Variants in CFAP46 observed in about 807,000 individuals in gnomAD.
CFAP46 encodes the protein cilia- and flagella-associated protein 46.
A neutral mutation model predicts 325.7 loss-of-function variants in CFAP46; 245 were observed. That is an observed-to-expected ratio of 0.75 (90% confidence interval 0.68 to 0.84). The LOEUF is 0.84. Ranked by LOEUF, CFAP46 falls within the 40% of genes least tolerant of loss-of-function variation. The probability of loss-of-function intolerance (pLI) is 0.00; values close to 1 mark genes in which losing one functional copy is unlikely to be tolerated. For synonymous variants in CFAP46, 1,523 were observed against 1,495.9 expected, an observed-to-expected ratio of 1.02 and a Z score of -0.42; for missense variants, 3,346 against 3,543.0, an observed-to-expected ratio of 0.94 and a Z score of 1.41.
At chr10:132,929,491 G>T in intron 9 of CFAP46, 2 of 776,164 alleles carry the variant, frequency 2.6e-6, no homozygotes, top group Non-Finnish European at 4.8e-6. Context: ...GTGGCCACAA[G>T]AAAGGTAAAG....
rs1283524025 is a variant in CFAP46, at chr10:132,918,506, C to T, written c.1873G>A (p.Gly625Ser). 2 of 1,518,800 alleles carry T rather than the reference C, an allele frequency of 1.3e-6. No individual in the cohort carries two copies. The highest frequency in any genetic ancestry group is 1.8e-6 in the Non-Finnish European group (2 of 1,125,028). 94.1% of individuals were successfully genotyped at this position (1,518,800 alleles called of 1,614,324 possible). A position where few individuals can be genotyped will look rare whatever the true frequency, so the allele number is the denominator to read the frequency against. ...GTGTCCTGCACCGAGCCGTCCCTAC[C>T]TCGCTTCTTCTTCCCTGAGAGAAAT... ...LRLRRGKKKR[G>S]RDGSVQDTWS... The change falls in exon 16 of 58, where the codon GGT (glycine) becomes AGT (serine). Residue 625 changes from glycine (G) to serine (S), a missense_variant. Coordinates refer to ENST00000368586, the MANE Select transcript of CFAP46 (RefSeq NM_001200049.3).
In CFAP46 at chr10:132,914,090, C is replaced by CCTTGAGCCT. The variant is rs1468569650; in HGVS notation, c.2121-833_2121-832insAGGCTCAAG. On this transcript the variant is annotated intron_variant, in intron 17 of 57. Coordinates refer to ENST00000368586, the MANE Select transcript of CFAP46 (RefSeq NM_001200049.3). The stretch of plus-strand genomic sequence containing the variant: ...GAGGCTGTGTCCAGCCACACTGCAC[C>CCTTGAGCCT]CCGGCCCGAGGCTGTGTCCAGCCAC... Among the ~76,000 whole-genome samples, 3 of 122,740 alleles carry CCTTGAGCCT rather than the reference C, an allele frequency of 2.4e-5. No individual in the cohort carries two copies. The East Asian group carries it at 7.6e-4, about 31-fold the overall frequency. The allele number at this position is 122,740 out of a possible 152,430, so 80.5% of individuals were successfully genotyped here.
At chr10:132,901,644 T>C (rs894308338) in intron 22 of CFAP46, among the ~76,000 whole-genome samples, 1 of 152,214 alleles carries the variant, frequency 6.6e-6, no homozygotes, top group African/African-American at 2.4e-5. Flanking sequence ...CTATTTTTGC[T>C]TTAAAAGGTC....
In CFAP46 at chr10:132,876,430, C is replaced by T. The variant is rs942924881; in HGVS notation, c.4362+382G>A. Among the ~76,000 whole-genome samples the T allele has an allele frequency of 4.6e-5, 7 of 152,226 alleles. No individual in the cohort carries two copies. Among genetic ancestry groups the T allele is most frequent in the Admixed American group, 2.6e-4 (4 of 15,288 alleles). ...AGGAAAGAGGGATCTTCCCCGGCCC[C>T]TTTGGAGGGTGTGCCACCCTCCCGA... On this transcript the variant is annotated intron_variant, in intron 31 of 57. Transcript: ENST00000368586. The surrounding 1 kb of genome is among the most constrained non-coding windows in gnomAD (Gnocchi z 4.1).
At position 132,836,906 on chromosome 10, in the gene CFAP46, T is replaced by G. The variant is rs199657322; in HGVS notation, c.6447A>C (p.Gln2149His). The G allele has an allele frequency of 7.2e-5, 116 of 1,613,742 alleles. No homozygotes were observed. The highest frequency in any genetic ancestry group is 1.0e-4 in the Admixed American group (6 of 60,008). ...AATGCTGCTCAGTGACGCAGAGATT[T>G]TGCCAAGCCTGTGTGGCGAAAAACG... Reference protein sequence around the residue: ...QRLAAVSKAWQNLCVTEQHFN... With the variant: ...QRLAAVSKAWHNLCVTEQHFN... Residue 2149 changes from glutamine (Q) to histidine (H), a missense_variant, in exon 45 of 58, where the codon CAA becomes CAC. Coordinates refer to ENST00000368586, the MANE Select transcript of CFAP46 (RefSeq NM_001200049.3).
chr10:132,808,733 A>G lies in CFAP46; in HGVS notation c.7836T>C (p.Leu2612=), dbSNP rs1389246216. The change falls in exon 58 of 58, where the codon CTT becomes CTC. Residue 2612 remains leucine, a synonymous_variant. Transcript: ENST00000368586. The surrounding 1 kb of genome is among the most constrained non-coding windows in gnomAD (Gnocchi z 6.8). The part of the protein sequence containing the change: ...AAGAPALASA[L]GSAPLPTHPH... The stretch of plus-strand genomic sequence containing the variant: ...GATGGGTTGGCAGAGGGGCAGAGCC[A>G]AGGGCAGAGGCAAGTGCTGGGGCCC... The G allele has an allele frequency of 1.3e-6, 2 of 1,573,096 alleles. No homozygotes were observed. Among genetic ancestry groups the G allele is most frequent in the Admixed American group, 3.8e-5 (2 of 53,002 alleles).
intron 4 of CFAP46, among the ~76,000 whole-genome samples, chr10:132,940,639 G>A (rs1320041686): frequency 1.5e-4 from 23 of 151,840 alleles, no homozygotes; most frequent in East Asian, 3.9e-4. Context: ...GTGCAGTGGC[G>A]TGATCTGGGC....
rs201072183 is a variant in CFAP46, at chr10:132,864,023, CCTG to C, written c.4890+1999_4890+2001del. Among the ~76,000 whole-genome samples, 1,424 of 148,488 alleles carry C rather than the reference CCTG, an allele frequency of 9.6e-3. 17 individuals are homozygous for C. The highest frequency in any genetic ancestry group is 0.024 in the South Asian group (110 of 4,512). On this transcript the variant is annotated intron_variant, in intron 35 of 57. Transcript: ENST00000368586. ...TGCCTGAGACCTGAACACACCTGTT[CCTG>C]CTATTAGAGACCTGCACACACCTGT...
intron 45 of CFAP46, among the ~76,000 whole-genome samples, chr10:132,836,565 G>A (rs2135022143): frequency 6.6e-6 from 1 of 152,332 alleles, no homozygotes; most frequent in Non-Finnish European, 1.5e-5. Flanking sequence ...GGGTCCGGAC[G>A]CCCAGACCAG....
At position 132,814,736 on chromosome 10, in the gene CFAP46, G is replaced by A. The variant is rs1287050784; in HGVS notation, c.7199C>T (p.Pro2400Leu). The stretch of plus-strand genomic sequence containing the variant: ...GATGCAGTCAGGGGGGATGGTCCGG[G>A]GGATGCTGCCCTGCAACCACAGACC... ...LAKKGRKGSI[P>L]RTIPPDCIIV... The change falls in exon 52 of 58, where the codon CCC becomes CTC. Residue 2400 changes from proline to leucine, a missense_variant. By Grantham distance (98) the Pro-to-Leu change is moderately conservative. Transcript: ENST00000368586. 2 of 1,613,672 alleles carry A rather than the reference G, an allele frequency of 1.2e-6. No homozygotes were observed. The highest frequency in any genetic ancestry group is 2.2e-5 in the South Asian group (2 of 91,072).
At chr10:132,818,202 G>A (rs557956980) in intron 50 of CFAP46, among the ~76,000 whole-genome samples, 26 of 152,222 alleles carry the variant, frequency 1.7e-4, no homozygotes, top group South Asian at 4.1e-4. Flanking sequence ...TGGCCGCGCC[G>A]GGCAGTGGGG....
At chr10:132,843,141 C>G (rs1234991180) in intron 44 of CFAP46, among the ~76,000 whole-genome samples, 1 of 152,204 alleles carries the variant, frequency 6.6e-6, no homozygotes, top group African/African-American at 2.4e-5. Context: ...CCCAGAAACC[C>G]CCACATTGAG....
intron 50 of CFAP46, among the ~76,000 whole-genome samples, chr10:132,821,876 CTGTG>C (rs1328855516): frequency 1.7e-5 from 2 of 119,632 alleles, no homozygotes; most frequent in African/African-American, 6.9e-5. Flanking sequence ...GTGCTGTGTG[CTGTG>C]TGTGCAGTGA....
chr10:132,851,150 C>T lies in CFAP46; in HGVS notation c.5730G>A (p.Leu1910=). The T allele has an allele frequency of 6.2e-7, 1 of 1,614,092 alleles. No homozygotes were observed. ...GSLEKLLADY[L]QNTSDYTSVG... ...CGGAAGTGTAGTCACTGGTGTTCTG[C>T]AGATAGTCCGCCAGCAGCTTCTCCA... The change falls in exon 40 of 58, where the codon CTG becomes CTA. Residue 1910 remains leucine (L), a synonymous_variant. Coordinates refer to ENST00000368586, the MANE Select transcript of CFAP46 (RefSeq NM_001200049.3).
At chr10:132,822,567 T>C (rs1000752499) in intron 50 of CFAP46, among the ~76,000 whole-genome samples, 1 of 139,938 alleles carries the variant, frequency 7.1e-6, no homozygotes, top group Non-Finnish European at 1.5e-5. Flanking sequence ...CGCTGATGTG[T>C]GCTGTGTGTG....
chr10:132,861,165 G>A (rs1381949434), intron 35 of CFAP46, among the ~76,000 whole-genome samples, 183 bp from the exon 36 acceptor site: 2 of 152,208 alleles, frequency 1.3e-5, no homozygotes, highest in South Asian at 2.1e-4. Flanking sequence ...GGCCGCCCTC[G>A]CACTCCCTGG....
chr10:132,923,756 T>C (rs1469256796), intron 11 of CFAP46, among the ~76,000 whole-genome samples: 1 of 152,114 alleles, frequency 6.6e-6, no homozygotes. Flanking sequence ...AGGGGTGTGG[T>C]CACCATGTTT....
At chr10:132,859,331 C>G in intron 37 of CFAP46, 84 bp from the exon 38 acceptor site, 1 of 1,238,142 alleles carries the variant, frequency 8.1e-7, no homozygotes, top group Non-Finnish European at 1.1e-6. Context: ...CTGTTCTCCC[C>G]GGTGTTCATC....
chr10:132,934,897 TC>T (rs1564805869), intron 7 of CFAP46, 35 bp from the exon 8 acceptor site: 1 of 1,283,282 alleles, frequency 7.8e-7, no homozygotes, highest in East Asian at 2.3e-5. Context: ...CAGCACAAGA[TC>T]CTGTCAGATT....
Sources: allele counts gnomAD v4.1 joint callset (sites outside exome capture counted in the v4.1 genomes callset), GRCh38; gene constraint gnomAD v4.1.1; non-coding constraint Gnocchi (gnomAD v3.1); transcripts MANE v1.5; gene names NCBI Gene and HGNC (gene_info 2026-07-23, HGNC 2026-07-21).